The following KCTD16 variants were observed in gnomAD, a reference collection of about 807,000 sequenced individuals.
KCTD16 encodes the protein BTB/POZ domain-containing protein KCTD16.
Under a neutral mutation model 33.2 loss-of-function variants are expected in KCTD16, and 13 were observed. That is an observed-to-expected ratio of 0.39 (90% CI 0.25 to 0.62). KCTD16 has a LOEUF of 0.62. Among genes scored for constraint, KCTD16 ranks in the 20% least tolerant of loss-of-function variants. KCTD16 has a pLI of 0.50. For synonymous variants in KCTD16, 197 were observed against 195.3 expected (o/e 1.01, Z -0.07); for missense variants, 441 against 525.1 (o/e 0.84, Z 1.57).
chr5:144,173,157 C>CTT (rs1453336203), intron 1 of KCTD16, among the ~76,000 whole-genome samples: 1 of 152,202 alleles, frequency 6.6e-6, no homozygotes, highest in Non-Finnish European at 1.5e-5. Context: ...ATAAATCAGT[C>CTT]TATCATAACT....
chr5:144,388,065 GTTTTTTTTTTTTTTT>G (rs397999492), intron 3 of KCTD16, among the ~76,000 whole-genome samples: 30 of 73,664 alleles, frequency 4.1e-4, no homozygotes, highest in African/African-American at 1.7e-3. Flanking sequence ...TTTAGAGCAA[GTTTTTTTTTTTTTTT>G]TTTTTTTTTT....
At chr5:144,447,766 G>A (rs2126982270) in intron 3 of KCTD16, among the ~76,000 whole-genome samples, 1 of 152,132 alleles carries the variant, frequency 6.6e-6, no homozygotes, top group South Asian at 2.1e-4. Context: ...ACACTTCCAT[G>A]CTTTACAAAT....
At chr5:144,446,752 G>A (rs906332564) in intron 3 of KCTD16, among the ~76,000 whole-genome samples, 1 of 152,062 alleles carries the variant, frequency 6.6e-6, no homozygotes, top group African/African-American at 2.4e-5. Flanking sequence ...CAAAGAATAT[G>A]AATAGACACC....
chr5:144,171,833 T>A (rs1423296893), intron 1 of KCTD16, among the ~76,000 whole-genome samples: 1 of 152,080 alleles, frequency 6.6e-6, no homozygotes, highest in Non-Finnish European at 1.5e-5. Flanking sequence ...AACTGATGAG[T>A]GATGTTTAAA....
Position 144,465,779 on chromosome 5 carries a change from C to CTTTTTTTTTTTTT in KCTD16, c.833-7875_833-7874insTTTTTTTTTTTTT, listed in dbSNP as rs780109122. 1.5e-5 allele frequency among the ~76,000 whole-genome samples: 2 copies of CTTTTTTTTTTTTT among 129,878 alleles called. 1 individual carries two copies. The highest frequency in any genetic ancestry group is 5.7e-5 in the African/African-American group (2 of 34,896). The allele number at this position is 129,878 out of a possible 152,430, so 85.2% of individuals were successfully genotyped here. A position where few individuals can be genotyped will look rare whatever the true frequency, so the allele number is the denominator to read the frequency against. On this transcript the variant is annotated intron_variant, in intron 3 of 3. Coordinates refer to ENST00000512467, the MANE Select transcript of KCTD16 (RefSeq NM_020768.4). ...TCTTGAACAATTGCTCCAAATTTAA[C>CTTTTTTTTTTTTT]TTTTTTGTTTTTTTTTTTTTTTGCC...
At chr5:144,355,570 C>T (rs190732840) in intron 3 of KCTD16, among the ~76,000 whole-genome samples, 139 of 152,234 alleles carry the variant, frequency 9.1e-4, no homozygotes, top group African/African-American at 3.1e-3. Flanking sequence ...AGTTTACTTC[C>T]GTAAAATGGC....
intron 3 of KCTD16, among the ~76,000 whole-genome samples, chr5:144,328,338 A>C (rs1752263001): frequency 1.3e-5 from 2 of 152,050 alleles, no homozygotes; most frequent in Admixed American, 1.3e-4. Flanking sequence ...CAATTACATA[A>C]ATCTCCTCAT....
chr5:144,382,224 A>G (rs965519817), intron 3 of KCTD16, among the ~76,000 whole-genome samples: 11 of 152,148 alleles, frequency 7.2e-5, no homozygotes, highest in Non-Finnish European at 1.2e-4. Flanking sequence ...AGATCGGAAT[A>G]ATAGACATAG....
At chr5:144,433,024 C>A (rs1037822260) in intron 3 of KCTD16, among the ~76,000 whole-genome samples, 2 of 151,984 alleles carry the variant, frequency 1.3e-5, no homozygotes, top group Non-Finnish European at 2.9e-5. Flanking sequence ...TATTCAAGAC[C>A]AAACAATATA....
chr5:144,383,816 T>C (rs529140333), intron 3 of KCTD16, among the ~76,000 whole-genome samples: 1 of 152,312 alleles, frequency 6.6e-6, no homozygotes, highest in East Asian at 1.9e-4. Context: ...GTTTCAGTTA[T>C]GTCCTTTGCC....
chr5:144,479,259 G>GACTCAA lies in KCTD16; in HGVS notation c.*5145_*5146insACTCAA, dbSNP rs987680478. 2.0e-5 allele frequency: 3 copies of GACTCAA among 150,690 alleles called. No homozygotes were observed. The highest frequency in any genetic ancestry group is 7.3e-5 in the African/African-American group (3 of 41,016). The allele number at this position is 150,690 out of a possible 1,614,324, so 9.3% of individuals were successfully genotyped here. On this transcript the variant is annotated 3_prime_UTR_variant, in exon 4 of 4. Transcript: ENST00000512467. ...CCTGCGCCATTGAACTGCTAAATTT[G>GACTCAA]TCCAATTTGACTCAATCAGGACTAT...
In KCTD16 at chr5:144,284,837, A is replaced by T. The variant is rs141188554; in HGVS notation, c.832+77291A>T. On this transcript the variant is annotated intron_variant, in intron 3 of 3. Transcript: ENST00000512467. Reference sequence around the variant, plus strand: ...AAGAAAAGGAGATTGGGCATTTCTAAAGTTATGGAAGCCTCTTTTTCCTCT... The same window carrying T: ...AAGAAAAGGAGATTGGGCATTTCTATAGTTATGGAAGCCTCTTTTTCCTCT... Among the ~76,000 whole-genome samples, 5 of 152,296 alleles carry T rather than the reference A, an allele frequency of 3.3e-5. No individual in the cohort carries two copies. The East Asian group carries it at 9.6e-4, about 29-fold the overall frequency.
At chr5:144,337,621 T>C (rs1407965236) in intron 3 of KCTD16, among the ~76,000 whole-genome samples, 1 of 152,230 alleles carries the variant, frequency 6.6e-6, no homozygotes, top group Non-Finnish European at 1.5e-5. Flanking sequence ...AATGAATTCT[T>C]TAAATGGTGT....
At chr5:144,234,975 C>T (rs1274526775) in intron 3 of KCTD16, among the ~76,000 whole-genome samples, 4 of 152,010 alleles carry the variant, frequency 2.6e-5, no homozygotes, top group Non-Finnish European at 4.4e-5. Context: ...ATCATTAACT[C>T]TGTCTCTTCT....
At chr5:144,399,487 C>CT (rs913732861) in intron 3 of KCTD16, among the ~76,000 whole-genome samples, 2 of 151,772 alleles carry the variant, frequency 1.3e-5, no homozygotes, top group African/African-American at 4.8e-5. Flanking sequence ...TTGTGTTTTA[C>CT]TTTTTTTTGG....
At chr5:144,401,065 C>A (rs555510340) in intron 3 of KCTD16, among the ~76,000 whole-genome samples, 53 of 152,110 alleles carry the variant, frequency 3.5e-4, no homozygotes, top group Non-Finnish European at 4.0e-4. Context: ...AGGTAAGGAT[C>A]AAGTGTGAAT....
chr5:144,461,874 C>T (rs1312995908), intron 3 of KCTD16, among the ~76,000 whole-genome samples: 1 of 152,192 alleles, frequency 6.6e-6, no homozygotes, highest in Non-Finnish European at 1.5e-5. Context: ...CCTTGACTCA[C>T]CTTTATTTAA....
chr5:144,278,826 A>G (rs975155676), intron 3 of KCTD16, among the ~76,000 whole-genome samples: 2 of 152,128 alleles, frequency 1.3e-5, no homozygotes, highest in African/African-American at 4.8e-5. Flanking sequence ...AATTAGAAAC[A>G]GCTTGTCACT....
At chr5:144,316,533 G>A (rs551208972) in intron 3 of KCTD16, among the ~76,000 whole-genome samples, 125 of 116,948 alleles carry the variant, frequency 1.1e-3, no homozygotes, top group African/African-American at 4.0e-3. Context: ...TTTTTGAGAC[G>A]GAGTTTCACT....
Sources: gnomAD v4.1 joint callset for allele counts (sites outside exome capture counted in the v4.1 genomes callset) on GRCh38, gnomAD v4.1.1 for gene constraint, MANE v1.5 for transcripts, NCBI Gene and HGNC (gene_info 2026-07-23, HGNC 2026-07-21) for gene names.